WDPCP: variants seen among roughly 807,000 people sequenced by gnomAD.
The protein encoded by WDPCP is WD repeat containing planar cell polarity effector.
WDPCP carries 71 observed loss-of-function variants against 93.1 expected under a neutral mutation model. The observed-to-expected ratio is 0.76, with a 90% CI of 0.63 to 0.93. The LOEUF (loss-of-function observed/expected upper bound fraction) is 0.93, where lower values mean the gene tolerates loss of function less well. Among genes scored for constraint, WDPCP ranks in the 40% least tolerant of loss-of-function variants. The probability of loss-of-function intolerance (pLI) is 0.00; values close to 1 mark genes in which losing one functional copy is unlikely to be tolerated. For missense variants in WDPCP, 844 were observed against 887.4 expected (o/e 0.95, Z 0.62); for synonymous variants, 315 against 315.0 (o/e 1.00, Z 0.00).
chr2:63,705,986 T>C (rs1185049288), intron 2 of WDPCP, among the ~76,000 whole-genome samples: 2 of 152,204 alleles, frequency 1.3e-5, no homozygotes, highest in Non-Finnish European at 2.9e-5. Context: ...TGCCCCTGTA[T>C]TGGGTGCATA....
At chr2:63,791,598 T>G (rs549194722) in intron 2 of WDPCP, among the ~76,000 whole-genome samples, 1 of 152,102 alleles carries the variant, frequency 6.6e-6, no homozygotes. Flanking sequence ...AGAATAACAC[T>G]GAGATTAGCA....
chr2:63,642,074 C>T (rs938501406), intron 3 of WDPCP, among the ~76,000 whole-genome samples: 16 of 152,018 alleles, frequency 1.1e-4, no homozygotes, highest in Non-Finnish European at 2.1e-4. Context: ...TTCTTGGCAC[C>T]TTTGTTGAAA....
In WDPCP at chr2:63,469,810, C is replaced by T. The variant is rs529338738; in HGVS notation, c.384+14794G>A. Among the ~76,000 whole-genome samples, 5 of 152,214 alleles carry T rather than the reference C, an allele frequency of 3.3e-5. No individual in the cohort carries two copies. The South Asian group carries it at 1.0e-3, about 32-fold the overall frequency. On this transcript the variant is annotated intron_variant, in intron 6 of 17. Transcript: ENST00000272321. ...AACAAACCCCCATGACACATATTTA[C>T]CTATATAACAAACCTGCACATGTAC...
chr2:63,469,115 A>T lies in WDPCP; in HGVS notation c.384+15489T>A, dbSNP rs146292611. Among the ~76,000 whole-genome samples, 8 of 152,338 alleles carry T rather than the reference A, an allele frequency of 5.3e-5. No homozygotes were observed. In the East Asian group the frequency reaches 1.5e-3, roughly 29 times the overall value. ...GAGAAAAAGCTCAATATCGCTGAGC[A>T]TTAGAGAAATGTAAATCAAAACCAC... On this transcript the variant is annotated intron_variant, in intron 6 of 17. Transcript: ENST00000272321.
At chr2:63,824,436 T>G (rs1166019191) in intron 1 of WDPCP, among the ~76,000 whole-genome samples, 2 of 148,310 alleles carry the variant, frequency 1.3e-5, no homozygotes, top group Non-Finnish European at 3.0e-5. Flanking sequence ...TGGTCCCAGC[T>G]ACTTGGGAAG....
chr2:63,495,488 G>A (rs1006595401), intron 1 of WDPCP, among the ~76,000 whole-genome samples: 2 of 152,176 alleles, frequency 1.3e-5, no homozygotes, highest in African/African-American at 4.8e-5. Flanking sequence ...TTTTCATATG[G>A]AAATGTGAGG....
intron 2 of WDPCP, among the ~76,000 whole-genome samples, chr2:63,762,993 T>C (rs985714894): frequency 7.2e-5 from 11 of 152,218 alleles, no homozygotes; most frequent in African/African-American, 2.7e-4. Flanking sequence ...CTGTTATATA[T>C]GTTGGGATAC....
At chr2:63,715,473 A>G (rs1284813294) in intron 2 of WDPCP, among the ~76,000 whole-genome samples, 1 of 152,236 alleles carries the variant, frequency 6.6e-6, no homozygotes, top group Non-Finnish European at 1.5e-5. Flanking sequence ...TACCTGTAAC[A>G]TGCCAGCTTC....
intron 1 of WDPCP, among the ~76,000 whole-genome samples, chr2:63,507,812 G>A (rs1389686701): frequency 1.3e-5 from 2 of 151,948 alleles, no homozygotes; most frequent in Non-Finnish European, 2.9e-5. Context: ...AGCCAAATTG[G>A]TCAAGTGGAA....
chr2:63,546,706 G>C (rs1409078615), intron 1 of WDPCP, among the ~76,000 whole-genome samples: 1 of 152,042 alleles, frequency 6.6e-6, no homozygotes, highest in Non-Finnish European at 1.5e-5. Flanking sequence ...TCATTCCAGA[G>C]CCCAAAGCCT....
chr2:63,376,678 G>A (rs1691879367), intron 12 of WDPCP, among the ~76,000 whole-genome samples: 1 of 151,804 alleles, frequency 6.6e-6, no homozygotes, highest in Non-Finnish European at 1.5e-5. Flanking sequence ...AAAGCTCTAA[G>A]TCCAAATAAA....
At chr2:63,180,549 C>T (rs992159403) in intron 14 of WDPCP, among the ~76,000 whole-genome samples, 1 of 152,110 alleles carries the variant, frequency 6.6e-6, no homozygotes. Flanking sequence ...TATTCCATTG[C>T]ACATATATAC....
At chr2:63,551,597 C>G (rs555997650) in intron 1 of WDPCP, among the ~76,000 whole-genome samples, 44 of 152,242 alleles carry the variant, frequency 2.9e-4, no homozygotes, top group African/African-American at 1.0e-3. Context: ...AAATAACACT[C>G]TTTTCTTTAT....
At chr2:63,711,508 G>C (rs1328370439) in intron 2 of WDPCP, 1 of 152,218 alleles carries the variant, frequency 6.6e-6, no homozygotes, top group African/African-American at 2.4e-5. Context: ...TATAATCCCA[G>C]AACTTTGAGA....
At chr2:63,804,187 T>C (rs1379810191) in intron 2 of WDPCP, among the ~76,000 whole-genome samples, 1 of 152,198 alleles carries the variant, frequency 6.6e-6, no homozygotes, top group Non-Finnish European at 1.5e-5. Flanking sequence ...AGAAGTGTTT[T>C]TCTCAGTTCC....
At chr2:63,193,113 C>T (rs1675165073) in intron 14 of WDPCP, among the ~76,000 whole-genome samples, 1 of 152,124 alleles carries the variant, frequency 6.6e-6, no homozygotes, top group African/African-American at 2.4e-5. Context: ...ATTTACACAG[C>T]AATTATACTA....
chr2:63,202,008 T>C (rs957415477), intron 14 of WDPCP, among the ~76,000 whole-genome samples: 4 of 151,912 alleles, frequency 2.6e-5, no homozygotes, highest in African/African-American at 9.7e-5. Context: ...AATTCTAGCA[T>C]TAATTTCTGC....
chr2:63,602,048 A>G (rs1321809897), intron 3 of WDPCP, among the ~76,000 whole-genome samples: 1 of 152,234 alleles, frequency 6.6e-6, no homozygotes, highest in Admixed American at 6.5e-5. Flanking sequence ...ACTGTGAACT[A>G]ATTTGTGGAG....
chr2:63,157,412 A>T (rs1321468810), intron 15 of WDPCP, among the ~76,000 whole-genome samples: 3 of 151,854 alleles, frequency 2.0e-5, no homozygotes, highest in Non-Finnish European at 2.9e-5. Flanking sequence ...ATGAGCTGGG[A>T]TGTGTTGAAT....
Sources: gnomAD v4.1 joint callset for allele counts (sites outside exome capture counted in the v4.1 genomes callset) on GRCh38, gnomAD v4.1.1 for gene constraint, MANE v1.5 for transcripts, NCBI Gene and HGNC (gene_info 2026-07-23, HGNC 2026-07-21) for gene names.